Variants in INSYN2B observed in about 807,000 individuals in gnomAD.
The protein encoded by INSYN2B is protein INSYN2B.
In INSYN2B, 16 loss-of-function variants were observed where a neutral mutation model predicts 41.2. That is an observed-to-expected ratio of 0.39 (90% CI 0.26 to 0.59). INSYN2B has a LOEUF of 0.59. Ranked by LOEUF, INSYN2B falls within the 20% of genes least tolerant of loss-of-function variation. The pLI, the probability that INSYN2B is intolerant of heterozygous loss-of-function variation, is 0.57. For synonymous variants in INSYN2B, 245 were observed against 244.4 expected (o/e 1.00, Z -0.02); for missense variants, 608 against 646.4 (o/e 0.94, Z 0.64).
intron 1 of INSYN2B, among the ~76,000 whole-genome samples, chr5:169,904,632 C>A (rs936620633): frequency 6.6e-6 from 1 of 152,190 alleles, no homozygotes; most frequent in African/African-American, 2.4e-5. Flanking sequence ...CAGCCTCTCC[C>A]CCTAGTGAGG....
At chr5:169,864,697 A>G (rs958609286) in intron 3 of INSYN2B, among the ~76,000 whole-genome samples, 2 of 152,228 alleles carry the variant, frequency 1.3e-5, no homozygotes, top group Non-Finnish European at 2.9e-5. Context: ...ATTAAGGGTC[A>G]GTGAGACCTG....
intron 1 of INSYN2B, among the ~76,000 whole-genome samples, chr5:169,939,537 A>ATGTGCTGTATGTAATTGTG (rs1776144895): frequency 6.6e-6 from 1 of 152,156 alleles, no homozygotes; most frequent in African/African-American, 2.4e-5. Context: ...ATTGTCAATT[A>ATGTGCTGTATGTAATTGTG]TGTGCTGTAT....
intron 3 of INSYN2B, among the ~76,000 whole-genome samples, chr5:169,878,480 A>C (rs1350491237): frequency 6.6e-6 from 1 of 152,232 alleles, no homozygotes; most frequent in African/African-American, 2.4e-5. Flanking sequence ...AAAAGTAAAA[A>C]TGATTGTATT....
chr5:169,973,592 T>C (rs1355116820), intron 1 of INSYN2B, among the ~76,000 whole-genome samples: 1 of 152,176 alleles, frequency 6.6e-6, no homozygotes, highest in African/African-American at 2.4e-5. Flanking sequence ...AGAGCTGGCA[T>C]TGATCCCAGG....
rs1372324034 is a variant in INSYN2B at position 169,884,410 on chromosome 5, T to C, written c.-512A>G. ...AGGGTGAAACTGCAGGAAACTTAAATGCATCTTCTTTCCATAGCAGGTAAA... is the reference window on the plus strand; with the variant it reads ...AGGGTGAAACTGCAGGAAACTTAAACGCATCTTCTTTCCATAGCAGGTAAA... On this transcript the variant is annotated 5_prime_UTR_variant, in exon 2 of 4. Coordinates refer to ENST00000377365, the MANE Select transcript of INSYN2B (RefSeq NM_001129891.3). 6.6e-6 allele frequency: 1 copy of C among 152,528 alleles called. No homozygotes were observed. Among genetic ancestry groups the C allele is most frequent in the African/African-American group, 2.4e-5 (1 of 41,472 alleles). The allele number at this position is 152,528 out of a possible 1,614,324, so 9.4% of individuals were successfully genotyped here.
intron 1 of INSYN2B, among the ~76,000 whole-genome samples, chr5:169,907,738 G>T (rs187961378): frequency 1.3e-5 from 2 of 152,282 alleles, no homozygotes; most frequent in Admixed American, 1.3e-4. Flanking sequence ...TAGAGCAGTG[G>T]TTTTCAACTA....
At chr5:169,963,861 A>AC (rs1432061321) in intron 1 of INSYN2B, among the ~76,000 whole-genome samples, 9 of 152,022 alleles carry the variant, frequency 5.9e-5, no homozygotes, top group African/African-American at 2.2e-4. Context: ...CGCTGGGCCT[A>AC]CCCCTAGATG....
At chr5:169,887,604 C>T (rs1489259910) in intron 1 of INSYN2B, among the ~76,000 whole-genome samples, 3 of 152,162 alleles carry the variant, frequency 2.0e-5, no homozygotes, top group African/African-American at 7.2e-5. Context: ...TCTAGTTATA[C>T]AATTATCTAT....
chr5:169,937,273 T>C (rs1445867208), intron 1 of INSYN2B, among the ~76,000 whole-genome samples: 2 of 152,214 alleles, frequency 1.3e-5, no homozygotes, highest in Non-Finnish European at 2.9e-5. Flanking sequence ...TCTGGCCCTT[T>C]AAGAAAAAAA....
intron 1 of INSYN2B, among the ~76,000 whole-genome samples, chr5:169,931,078 G>A (rs1387451106): frequency 6.6e-6 from 1 of 152,156 alleles, no homozygotes; most frequent in Non-Finnish European, 1.5e-5. Flanking sequence ...AGATAAAGTG[G>A]CTTTGCTTGA....
At position 169,883,419 on chromosome 5, in the gene INSYN2B, C is replaced by T. The variant is rs1414625939; in HGVS notation, c.480G>A (p.Gly160=). Residue 160 remains glycine (G), a synonymous_variant, in exon 2 of 4, where the codon GGG becomes GGA. Transcript: ENST00000377365. ...CATGGGACACCTTGACCCTTCGAGG[C>T]CCATCCTCAAGATGCTGAGCCAACC... The part of the protein sequence containing the change: ...YLRLAQHLED[G]PRRVKVSHAF... 3 of 1,551,682 alleles carry T rather than the reference C, an allele frequency of 1.9e-6. No homozygotes were observed. The highest frequency in any genetic ancestry group is 1.2e-5 in the South Asian group (1 of 84,064).
intron 1 of INSYN2B, among the ~76,000 whole-genome samples, chr5:169,920,026 T>C (rs1775084433): frequency 6.6e-6 from 1 of 152,244 alleles, no homozygotes; most frequent in African/African-American, 2.4e-5. Flanking sequence ...CCCAGCACTT[T>C]ACGTGAATTA....
At chr5:169,939,646 G>A (rs543709917) in intron 1 of INSYN2B, among the ~76,000 whole-genome samples, 3 of 152,218 alleles carry the variant, frequency 2.0e-5, no homozygotes, top group South Asian at 4.2e-4. Flanking sequence ...GGATGGGTGC[G>A]ATGCCACTAG....
chr5:169,907,877 C>T (rs1217044038), intron 1 of INSYN2B, among the ~76,000 whole-genome samples: 1 of 152,212 alleles, frequency 6.6e-6, no homozygotes, highest in Non-Finnish European at 1.5e-5. Context: ...ATGCTCTAAA[C>T]ATCCTACAAC....
intron 2 of INSYN2B, among the ~76,000 whole-genome samples, chr5:169,881,988 CT>C (rs1003972076): frequency 1.3e-5 from 2 of 152,152 alleles, no homozygotes; most frequent in African/African-American, 4.8e-5. Flanking sequence ...CATTTTGTGA[CT>C]TTTTTTCTCT....
At chr5:169,881,894 G>A (rs1217452070) in intron 2 of INSYN2B, among the ~76,000 whole-genome samples, 1 of 152,174 alleles carries the variant, frequency 6.6e-6, no homozygotes, top group Non-Finnish European at 1.5e-5. Flanking sequence ...TCTTTAGAGA[G>A]CACTTTCTGC....
chr5:169,900,460 G>A (rs1242136903), intron 1 of INSYN2B, among the ~76,000 whole-genome samples: 1 of 152,218 alleles, frequency 6.6e-6, no homozygotes, highest in African/African-American at 2.4e-5. Context: ...GTCAGGAGAA[G>A]ACTGGCTGGC....
rs1176236950 is a variant in INSYN2B at position 169,863,641 on chromosome 5, G to GC, written c.*631dup. Among the ~76,000 whole-genome samples the GC allele has an allele frequency of 6.6e-6, 1 of 152,206 alleles. No homozygotes were observed. Among genetic ancestry groups the GC allele is most frequent in the Non-Finnish European group, 1.5e-5 (1 of 68,040 alleles). ...CTGGGGTGGCCTGACTCTGCCACAG[G>GC]CAGAAAGGTGCATGCACCATGAGAT... is the stretch of plus-strand genomic sequence containing the variant. On this transcript the variant is annotated 3_prime_UTR_variant, in exon 4 of 4. Transcript: ENST00000377365.
In INSYN2B at chr5:169,883,673, G is replaced by T. The variant is rs1012660943; in HGVS notation, c.226C>A (p.Pro76Thr). ...GGGAAGGAGAGCGAGTAGGTGGGGG[G>T]AAGATGGTGCCTGGTTGCTTGAGTC... ...GKTQATRHHL[P>T]PTYSLSFPRS... is the part of the protein sequence containing the mutation. The change falls in exon 2 of 4, where the codon CCC becomes ACC. Residue 76 changes from proline (P) to threonine (T), a missense_variant. Physicochemically the swap from Pro to Thr is conservative, Grantham distance 38. Transcript: ENST00000377365. The T allele has an allele frequency of 1.3e-6, 2 of 1,550,896 alleles. No homozygotes were observed. Among genetic ancestry groups the T allele is most frequent in the South Asian group, 2.4e-5 (2 of 83,976 alleles).
Sources: allele counts gnomAD v4.1 joint callset (sites outside exome capture counted in the v4.1 genomes callset), GRCh38; gene constraint gnomAD v4.1.1; transcripts MANE v1.5; gene names NCBI Gene and HGNC (gene_info 2026-07-23, HGNC 2026-07-21).